CLASP2: variants seen among roughly 807,000 people sequenced by gnomAD.
The protein encoded by CLASP2 is CLIP-associating protein 2.
A neutral mutation model predicts 194.4 loss-of-function variants in CLASP2; 47 were observed. That is an observed-to-expected ratio of 0.24 (90% CI 0.19 to 0.31). The LOEUF is 0.31. Ranked by LOEUF, CLASP2 falls within the 10% of genes least tolerant of loss-of-function variation. CLASP2 has a pLI of 1.00. For synonymous variants in CLASP2, 619 were observed against 633.5 expected, an observed-to-expected ratio of 0.98 and a Z score of 0.34; for missense variants, 1,445 against 1,823.6, an observed-to-expected ratio of 0.79 and a Z score of 3.78.
intron 29 of CLASP2, among the ~76,000 whole-genome samples, chr3:33,554,154 G>A (rs547851077): frequency 3.4e-4 from 51 of 151,696 alleles, no homozygotes; most frequent in African/African-American, 1.2e-3. Context: ...CTTGAACATG[G>A]GAGGTGGAGT....
At chr3:33,551,164 C>T in intron 30 of CLASP2, 88 bp downstream of exon 30, 2 of 1,173,748 alleles carry the variant, frequency 1.7e-6, no homozygotes, top group Non-Finnish European at 2.4e-6. Context: ...TTGCTAAGGT[C>T]CTGAAAATAT....
At chr3:33,553,996 G>A (rs2060480414) in intron 29 of CLASP2, among the ~76,000 whole-genome samples, 1 of 152,160 alleles carries the variant, frequency 6.6e-6, no homozygotes, top group African/African-American at 2.4e-5. Context: ...AAAGGCTGAG[G>A]TGGGCGGATC....
chr3:33,611,648 G>C (rs1017745439), intron 13 of CLASP2, among the ~76,000 whole-genome samples: 2 of 152,028 alleles, frequency 1.3e-5, no homozygotes, highest in African/African-American at 4.8e-5. Flanking sequence ...ACCTATGCAG[G>C]GACTAAGGTT....
chr3:33,624,732 G>A (rs369003970), intron 10 of CLASP2, among the ~76,000 whole-genome samples: 2 of 152,138 alleles, frequency 1.3e-5, no homozygotes, highest in African/African-American at 4.8e-5. Context: ...ATCAAAGTAC[G>A]TTCTTATTTC....
At position 33,549,552 on chromosome 3, in the gene CLASP2, T is replaced by C. The variant is rs2059665793; in HGVS notation, c.3153+1700A>G. Among the ~76,000 whole-genome samples the C allele has an allele frequency of 2.0e-5, 3 of 152,200 alleles. No individual in the cohort carries two copies. In the South Asian group the frequency reaches 6.2e-4, roughly 32 times the overall value. On this transcript the variant is annotated intron_variant, in intron 30 of 38. Coordinates refer to ENST00000682230, the MANE Select transcript of CLASP2 (RefSeq NM_001365631.1). ...CTAAATACCTTTCTATTATTGACTC[T>C]AATTTCATTCTATTGTGGTCAGAGA...
At chr3:33,596,882 T>C in intron 18 of CLASP2, 148 bp from the exon 19 acceptor site, 1 of 610,136 alleles carries the variant, frequency 1.6e-6, no homozygotes, top group South Asian at 2.7e-5. Flanking sequence ...TAAAACAGAC[T>C]AGGAAATTAA....
At chr3:33,504,702 G>T (rs940062044) in intron 37 of CLASP2, 1 of 152,220 alleles carries the variant, frequency 6.6e-6, no homozygotes, top group Non-Finnish European at 1.5e-5. Flanking sequence ...GTTTCAGGAT[G>T]AAACTGTTCC....
intron 34 of CLASP2, among the ~76,000 whole-genome samples, chr3:33,531,754 G>A (rs1325730488): frequency 2.0e-5 from 3 of 152,080 alleles, no homozygotes; most frequent in East Asian, 1.9e-4. Context: ...CAGCCTAGAC[G>A]ACAAGAGCGA....
At chr3:33,607,333 T>G (rs1221018940) in intron 15 of CLASP2, 51 bp downstream of exon 15, 1 of 1,260,672 alleles carries the variant, frequency 7.9e-7, no homozygotes, top group Non-Finnish European at 1.1e-6. Flanking sequence ...CCTAATACAT[T>G]TTTTTTTAAA....
chr3:33,499,178 T>G (rs111366107), intron 38 of CLASP2, among the ~76,000 whole-genome samples: 3 of 151,996 alleles, frequency 2.0e-5, no homozygotes, highest in African/African-American at 7.3e-5. Flanking sequence ...TTGTGAGGGG[T>G]TTTTGCCCGC....
chr3:33,674,444 G>A (rs1488915946), intron 6 of CLASP2, among the ~76,000 whole-genome samples: 3 of 150,728 alleles, frequency 2.0e-5, no homozygotes, highest in African/African-American at 5.0e-5. Context: ...ATTCAAAGCA[G>A]TGTGTAGAGG....
intron 1 of CLASP2, among the ~76,000 whole-genome samples, chr3:33,708,548 A>G (rs867323824): frequency 0.013 from 1,775 of 141,342 alleles, 38 homozygotes; most frequent in African/African-American, 0.044. Context: ...ATATATGTAT[A>G]TATATATATA....
intron 1 of CLASP2, among the ~76,000 whole-genome samples, chr3:33,712,284 A>T (rs957733173): frequency 6.6e-6 from 1 of 152,204 alleles, no homozygotes. Flanking sequence ...GTTCTCACTT[A>T]TAAGTTAGGA....
intron 3 of CLASP2, 138 bp from the exon 4 acceptor site, chr3:33,688,506 C>T (rs1477119682): frequency 1.5e-6 from 1 of 668,622 alleles, no homozygotes; most frequent in Non-Finnish European, 2.5e-6. Context: ...TTCTCCACTA[C>T]TTACAAGTTT....
intron 26 of CLASP2, among the ~76,000 whole-genome samples, chr3:33,567,841 T>C (rs2063019499): frequency 1.3e-5 from 2 of 152,296 alleles, no homozygotes; most frequent in East Asian, 3.9e-4. Flanking sequence ...AGGTACGTCT[T>C]GTCTACTCAG....
chr3:33,644,707 T>C (rs113728744), intron 8 of CLASP2, 50 bp downstream of exon 8: 32 of 1,598,708 alleles, frequency 2.0e-5, no homozygotes, highest in Non-Finnish European at 2.6e-5. Flanking sequence ...TGTGTGGCCA[T>C]ATCAAGGGCA....
intron 13 of CLASP2, among the ~76,000 whole-genome samples, chr3:33,611,424 A>C (rs769393674): frequency 6.6e-6 from 1 of 152,192 alleles, no homozygotes; most frequent in South Asian, 2.1e-4. Flanking sequence ...ATTCCTGCAT[A>C]AATACTAATA....
At chr3:33,536,224 G>A (rs2057305349) in intron 33 of CLASP2, among the ~76,000 whole-genome samples, 3 of 150,422 alleles carry the variant, frequency 2.0e-5, no homozygotes, top group Admixed American at 6.7e-5. Flanking sequence ...GCCTACCCCA[G>A]TGGAGTTTAT....
chr3:33,690,096 A>G (rs1249377655), intron 2 of CLASP2, among the ~76,000 whole-genome samples, 164 bp from the exon 3 acceptor site: 1 of 152,250 alleles, frequency 6.6e-6, no homozygotes, highest in Non-Finnish European at 1.5e-5. Flanking sequence ...AAAATAACTG[A>G]GCAGTTTCAC....
Sources: gnomAD v4.1 joint callset for allele counts (sites outside exome capture counted in the v4.1 genomes callset) on GRCh38, gnomAD v4.1.1 for gene constraint, MANE v1.5 for transcripts, NCBI Gene and HGNC (gene_info 2026-07-23, HGNC 2026-07-21) for gene names.